Variants in GNB1 observed in about 807,000 individuals in gnomAD.
The protein encoded by GNB1 is guanine nucleotide-binding protein G(I)/G(S)/G(T) subunit beta-1.
Under a neutral mutation model 42.9 loss-of-function variants are expected in GNB1, and 2 were observed. That is an observed-to-expected ratio of 0.05 (90% CI 0.02 to 0.15). The LOEUF is 0.15. Ranked by LOEUF, GNB1 falls within the 10% of genes least tolerant of loss-of-function variation. The probability of loss-of-function intolerance (pLI) is 1.00; values close to 1 mark genes in which losing one functional copy is unlikely to be tolerated. For missense variants in GNB1, 193 were observed against 462.2 expected (o/e 0.42, Z 5.34); for synonymous variants, 183 against 174.7 (o/e 1.05, Z -0.38).
chr1:1,857,056 C>A (rs901983173), intron 1 of GNB1, among the ~76,000 whole-genome samples: 4 of 152,170 alleles, frequency 2.6e-5, no homozygotes, highest in Admixed American at 6.5e-5. Flanking sequence ...CAAAATCCTG[C>A]TGATTAATGA....
At chr1:1,838,814 C>T (rs546999761) in intron 2 of GNB1, among the ~76,000 whole-genome samples, 7 of 152,234 alleles carry the variant, frequency 4.6e-5, no homozygotes, top group South Asian at 2.1e-4. Flanking sequence ...AAAAAACTAG[C>T]GATGTACCAC....
chr1:1,789,312 A>G, intron 9 of GNB1, 43 bp from the exon 10 acceptor site: 2 of 1,124,390 alleles, frequency 1.8e-6, no homozygotes, highest in African/African-American at 1.5e-5. Context: ...AAACGCTCAG[A>G]AAGAAACATT....
At chr1:1,845,393 G>C (rs1483756718) in intron 1 of GNB1, among the ~76,000 whole-genome samples, 1 of 152,114 alleles carries the variant, frequency 6.6e-6, no homozygotes, top group Non-Finnish European at 1.5e-5. Context: ...CTAACTCAGT[G>C]AAACCCCGTC....
chr1:1,785,982 G>A lies in GNB1; in HGVS notation c.*1081C>T, dbSNP rs1233840678. 1 of 398,868 alleles carries A rather than the reference G, an allele frequency of 2.5e-6. No individual in the cohort carries two copies. Among genetic ancestry groups the A allele is most frequent in the South Asian group, 1.3e-4 (1 of 7,858 alleles). 24.7% of individuals were successfully genotyped at this position (398,868 alleles called of 1,614,324 possible). ...AAAAGAAAAAGAACACCTAAGGACT[G>A]AGTCCCATATGCACTTTTGAGCATT... On this transcript the variant is annotated 3_prime_UTR_variant, in exon 12 of 12. Transcript: ENST00000378609.
chr1:1,827,709 A>G (rs1317472936), intron 2 of GNB1, among the ~76,000 whole-genome samples: 30 of 152,086 alleles, frequency 2.0e-4, no homozygotes. Context: ...GACACTACTC[A>G]CTTGTATTTC....
intron 1 of GNB1, among the ~76,000 whole-genome samples, chr1:1,858,297 ATC>A (rs1349818253): frequency 2.0e-5 from 3 of 152,178 alleles, no homozygotes; most frequent in African/African-American, 7.2e-5. Flanking sequence ...CATCTGTCGC[ATC>A]TGTCAAGAAA....
At position 1,865,901 on chromosome 1, in the gene GNB1, T is replaced by G. The variant is rs145806294; in HGVS notation, c.-96+24919A>C. 5.3e-3 allele frequency among the ~76,000 whole-genome samples: 813 copies of G among 152,306 alleles called. 4 individuals carry two copies. The highest frequency in any genetic ancestry group is 0.013 in the African/African-American group (551 of 41,572). ...AGAGAAAACAGTTTTGTTTTTTGGT[T>G]GTTGTTTTTTGAGACCACGCCTGGC... On this transcript the variant is annotated intron_variant, in intron 1 of 11. Coordinates refer to ENST00000378609, the MANE Select transcript of GNB1 (RefSeq NM_002074.5).
At chr1:1,811,623 G>A (rs1646780797) in intron 5 of GNB1, among the ~76,000 whole-genome samples, 1 of 151,616 alleles carries the variant, frequency 6.6e-6, no homozygotes, top group South Asian at 2.1e-4. Flanking sequence ...GTTAACCTGG[G>A]AGGCAGAGCT....
In GNB1 at chr1:1,805,166, G is replaced by C. The variant is rs182496360; in HGVS notation, c.268-585C>G. Among the ~76,000 whole-genome samples, 40 of 133,840 alleles carry C rather than the reference G, an allele frequency of 3.0e-4. 1 individual carries two copies. In the South Asian group the frequency reaches 6.0e-3, roughly 20 times the overall value. The allele number at this position is 133,840 out of a possible 152,430, so 87.8% of individuals were successfully genotyped here. A position where few individuals can be genotyped will look rare whatever the true frequency, so the allele number is the denominator to read the frequency against. On this transcript the variant is annotated intron_variant, in intron 6 of 11. Transcript: ENST00000378609. ...AACAGAGCGAGACTCCGTCTCAAAAGAAAACAAACAGGCCGGGTGCGGTGG... is the reference window on the plus strand; with the variant it reads ...AACAGAGCGAGACTCCGTCTCAAAACAAAACAAACAGGCCGGGTGCGGTGG...
At chr1:1,852,537 A>T (rs1038452524) in intron 1 of GNB1, among the ~76,000 whole-genome samples, 1 of 151,726 alleles carries the variant, frequency 6.6e-6, no homozygotes, top group African/African-American at 2.4e-5. Flanking sequence ...GCCTCAAAAT[A>T]TTTTTTAAAA....
At chr1:1,876,231 G>A (rs1343484665) in intron 1 of GNB1, among the ~76,000 whole-genome samples, 1 of 152,158 alleles carries the variant, frequency 6.6e-6, no homozygotes, top group African/African-American at 2.4e-5. Context: ...AACTAACATT[G>A]TGTCATTTCT....
At chr1:1,798,578 C>T (rs1237253171) in intron 7 of GNB1, among the ~76,000 whole-genome samples, 1 of 152,178 alleles carries the variant, frequency 6.6e-6, no homozygotes, top group African/African-American at 2.4e-5. Context: ...CAGGCAAGGG[C>T]CGCCGTGTCT....
chr1:1,807,483 AAAAAAAAAAAC>A (rs1646716432), intron 5 of GNB1, among the ~76,000 whole-genome samples: 2 of 148,874 alleles, frequency 1.3e-5, no homozygotes, highest in East Asian at 2.0e-4. Flanking sequence ...AAAAAAAAAA[AAAAAAAAAAAC>A]AAACAGAAAG....
intron 2 of GNB1, among the ~76,000 whole-genome samples, chr1:1,835,922 G>GGA: frequency 1.1e-5 from 1 of 88,676 alleles, no homozygotes; most frequent in Non-Finnish European, 2.0e-5. Context: ...ATTAAAAAAA[G>GGA]AAAAAAAAAA....
rs960382577 is a variant in GNB1, at chr1:1,834,834, A to G, written c.-47+4356T>C. 4.0e-5 allele frequency among the ~76,000 whole-genome samples: 6 copies of G among 151,872 alleles called. No individual in the cohort carries two copies. The South Asian group carries it at 8.3e-4, about 21-fold the overall frequency. ...CAGGCGCCTGCCACTATGCCCTGCT[A>G]ATTTTTTAAATTTTTATTAGAGACG... On this transcript the variant is annotated intron_variant, in intron 2 of 11. Coordinates refer to ENST00000378609, the MANE Select transcript of GNB1 (RefSeq NM_002074.5).
intron 1 of GNB1, among the ~76,000 whole-genome samples, chr1:1,875,035 G>A (rs536817780): frequency 3.9e-5 from 6 of 152,202 alleles, no homozygotes; most frequent in Non-Finnish European, 7.4e-5. Flanking sequence ...CGGGGTTCAC[G>A]CTCCTATGAG....
At chr1:1,815,730 A>G (rs777823609) in intron 5 of GNB1, 26 bp downstream of exon 5, 2 of 1,195,628 alleles carry the variant, frequency 1.7e-6, no homozygotes, top group South Asian at 2.4e-5. Flanking sequence ...TGTAACAAGC[A>G]GCATCCTGCT....
At chr1:1,824,707 G>C (rs1171846375) in intron 3 of GNB1, among the ~76,000 whole-genome samples, 10 of 152,078 alleles carry the variant, frequency 6.6e-5, no homozygotes, top group African/African-American at 2.2e-4. Flanking sequence ...TGAGTAGCTG[G>C]GAATACAGGC....
chr1:1,820,082 C>T (rs143607695), intron 3 of GNB1, among the ~76,000 whole-genome samples: 6 of 152,136 alleles, frequency 3.9e-5, no homozygotes, highest in African/African-American at 1.2e-4. Flanking sequence ...ATTGGTCAGG[C>T]GCAGTGGCTC....
Sources: gnomAD v4.1 joint callset for allele counts (sites outside exome capture counted in the v4.1 genomes callset) on GRCh38, gnomAD v4.1.1 for gene constraint, MANE v1.5 for transcripts, NCBI Gene and HGNC (gene_info 2026-07-23, HGNC 2026-07-21) for gene names.